Variants in IGF2BP3 observed in about 807,000 individuals in gnomAD.
IGF2BP3 encodes insulin like growth factor 2 mRNA binding protein 3.
IGF2BP3 carries 9 observed loss-of-function variants against 73.8 expected under a neutral mutation model. The observed-to-expected ratio is 0.12, with a 90% CI of 0.07 to 0.21. The LOEUF is 0.21. Ranked by LOEUF, IGF2BP3 falls within the 10% of genes least tolerant of loss-of-function variation. The pLI is 1.00. For missense variants in IGF2BP3, 542 were observed against 714.0 expected (o/e 0.76, Z 2.75); for synonymous variants, 258 against 256.7 (o/e 1.01, Z -0.05).
intron 5 of IGF2BP3, among the ~76,000 whole-genome samples, chr7:23,355,228 T>TA (rs1285172803): frequency 4.0e-5 from 6 of 151,302 alleles, no homozygotes; most frequent in Admixed American, 2.0e-4. Context: ...TATTTTTATT[T>TA]TTTTTTTTTT....
At chr7:23,371,066 G>A (rs1195559266) in intron 3 of IGF2BP3, among the ~76,000 whole-genome samples, 3 of 152,016 alleles carry the variant, frequency 2.0e-5, no homozygotes, top group African/African-American at 4.8e-5. Context: ...AGTGGAACAA[G>A]CATTACAAAA....
chr7:23,389,489 CTTAAGGT>C (rs1237463925), intron 3 of IGF2BP3, among the ~76,000 whole-genome samples: 1 of 151,544 alleles, frequency 6.6e-6, no homozygotes, highest in African/African-American at 2.4e-5. Context: ...TGTGAAAAGG[CTTAAGGT>C]TTAAGTGAGA....
intron 3 of IGF2BP3, among the ~76,000 whole-genome samples, chr7:23,380,180 T>C (rs2128516498): frequency 8.5e-6 from 1 of 117,560 alleles, no homozygotes; most frequent in Admixed American, 8.3e-5. Context: ...TTTTTTTTTT[T>C]TGAGATGGAG....
At chr7:23,447,665 T>TTAAAA (rs1788097919) in intron 2 of IGF2BP3, among the ~76,000 whole-genome samples, 1 of 151,866 alleles carries the variant, frequency 6.6e-6, no homozygotes, top group African/African-American at 2.4e-5. Context: ...ACCAAGGAAC[T>TTAAAA]GTCCCAGATT....
At position 23,454,339 on chromosome 7, in the gene IGF2BP3, T is replaced by C. The variant is rs187727250; in HGVS notation, c.236+14143A>G. Among the ~76,000 whole-genome samples, 83 of 152,292 alleles carry C rather than the reference T, an allele frequency of 5.5e-4. No individual in the cohort carries two copies. In the Middle Eastern group the frequency reaches 0.014, roughly 25 times the overall value. On this transcript the variant is annotated intron_variant, in intron 2 of 14. Transcript: ENST00000258729. ...ATGCACCTAGATATAAAGCACCAAT[T>C]CTTAACTTATTCACAGTGCATAACC...
chr7:23,417,289 C>T (rs1200865227), intron 3 of IGF2BP3, among the ~76,000 whole-genome samples: 1 of 152,132 alleles, frequency 6.6e-6, no homozygotes, highest in Non-Finnish European at 1.5e-5. Context: ...TCTTACGATT[C>T]AGTATGTGCT....
intron 3 of IGF2BP3, among the ~76,000 whole-genome samples, chr7:23,388,266 A>C (rs1056772678): frequency 2.6e-5 from 4 of 152,176 alleles, no homozygotes; most frequent in Non-Finnish European, 5.9e-5. Flanking sequence ...TAAATATATG[A>C]TCCAGTTATT....
chr7:23,400,893 GGGTT>G (rs2128525586), intron 3 of IGF2BP3, among the ~76,000 whole-genome samples: 1 of 152,322 alleles, frequency 6.6e-6, no homozygotes, highest in African/African-American at 2.4e-5. Context: ...TCCACCTCCT[GGGTT>G]CAAGTAATTC....
In IGF2BP3 at chr7:23,310,821, T is replaced by A. The variant is rs1783805403; in HGVS notation, c.*1541A>T. 1 of 152,200 alleles carries A rather than the reference T, an allele frequency of 6.6e-6. No individual in the cohort carries two copies. The highest frequency in any genetic ancestry group is 1.9e-4 in the East Asian group (1 of 5,202). The allele number at this position is 152,200 out of a possible 1,614,324, so 9.4% of individuals were successfully genotyped here. A position where few individuals can be genotyped will look rare whatever the true frequency, so the allele number is the denominator to read the frequency against. On this transcript the variant is annotated 3_prime_UTR_variant, in exon 15 of 15. Coordinates refer to ENST00000258729, the MANE Select transcript of IGF2BP3 (RefSeq NM_006547.3). ...TTTTAAAGGGTTATATATATGTCCT[T>A]TAGATCAGTGTAACATGACTGTGAT... is the stretch of plus-strand genomic sequence containing the variant.
chr7:23,371,255 G>C (rs1305429619), intron 3 of IGF2BP3, among the ~76,000 whole-genome samples: 1 of 151,956 alleles, frequency 6.6e-6, no homozygotes, highest in Non-Finnish European at 1.5e-5. Flanking sequence ...ACTACTCATT[G>C]CAACAAGAGA....
At chr7:23,324,311 G>C (rs964880120) in intron 10 of IGF2BP3, among the ~76,000 whole-genome samples, 2 of 151,670 alleles carry the variant, frequency 1.3e-5, no homozygotes, top group South Asian at 4.1e-4. Context: ...AAATAAACTA[G>C]AAAATCTAGA....
At chr7:23,330,152 G>A (rs2128496965) in intron 10 of IGF2BP3, among the ~76,000 whole-genome samples, 1 of 152,060 alleles carries the variant, frequency 6.6e-6, no homozygotes, top group Non-Finnish European at 1.5e-5. Context: ...CAGGCATGGT[G>A]GCAGGCACCT....
At chr7:23,387,176 T>A (rs1786110860) in intron 3 of IGF2BP3, among the ~76,000 whole-genome samples, 2 of 152,134 alleles carry the variant, frequency 1.3e-5, no homozygotes, top group South Asian at 4.1e-4. Context: ...GCCCTTGATA[T>A]AATGAGAATG....
chr7:23,320,827 G>T (rs983543971), intron 10 of IGF2BP3, among the ~76,000 whole-genome samples: 2 of 151,202 alleles, frequency 1.3e-5, no homozygotes, highest in Admixed American at 6.6e-5. Context: ...GCTTGCCTGT[G>T]GTCCCAGATA....
intron 10 of IGF2BP3, among the ~76,000 whole-genome samples, chr7:23,319,592 C>T (rs1784080955): frequency 6.6e-6 from 1 of 151,922 alleles, no homozygotes; most frequent in African/African-American, 2.4e-5. Flanking sequence ...AAGTAAGAGC[C>T]CCCTACCACT....
chr7:23,365,144 C>G lies in IGF2BP3; in HGVS notation c.286-3403G>C, dbSNP rs533236664. ...TTGCACCACTGCACTCCAGCCTGGGCAAAAGAGCAAGATTCTGTCTCAAAA... is the reference window on the plus strand; with the variant it reads ...TTGCACCACTGCACTCCAGCCTGGGGAAAAGAGCAAGATTCTGTCTCAAAA... On this transcript the variant is annotated intron_variant, in intron 3 of 14. Coordinates refer to ENST00000258729, the MANE Select transcript of IGF2BP3 (RefSeq NM_006547.3). Among the ~76,000 whole-genome samples, 252 of 151,696 alleles carry G rather than the reference C, an allele frequency of 1.7e-3. 2 individuals are homozygous for G. Among genetic ancestry groups the G allele is most frequent in the Non-Finnish European group, 3.0e-3 (202 of 67,944 alleles).
chr7:23,417,760 T>C (rs1446462371), intron 3 of IGF2BP3, among the ~76,000 whole-genome samples: 1 of 152,230 alleles, frequency 6.6e-6, no homozygotes, highest in African/African-American at 2.4e-5. Flanking sequence ...ATTCCCTAAA[T>C]AAATGTTAAT....
chr7:23,327,053 A>G (rs1428743916), intron 10 of IGF2BP3, among the ~76,000 whole-genome samples: 1 of 149,996 alleles, frequency 6.7e-6, no homozygotes, highest in Non-Finnish European at 1.5e-5. Flanking sequence ...TGTACCCTAA[A>G]ACTTAAAGTA....
At chr7:23,313,179 GCTT>G in intron 13 of IGF2BP3, among the ~76,000 whole-genome samples, 1 of 152,284 alleles carries the variant, frequency 6.6e-6, no homozygotes, top group African/African-American at 2.4e-5. Context: ...GAAACAGTTT[GCTT>G]TTTTTCCATT....
Sources: gnomAD v4.1 joint callset for allele counts (sites outside exome capture counted in the v4.1 genomes callset) on GRCh38, gnomAD v4.1.1 for gene constraint, MANE v1.5 for transcripts, NCBI Gene and HGNC (gene_info 2026-07-23, HGNC 2026-07-21) for gene names.